Variants in DYSF observed in about 807,000 individuals in gnomAD.
DYSF encodes the protein dystrophy-associated fer-1-like 1.
A neutral mutation model predicts 274.9 loss-of-function variants in DYSF; 212 were observed. The ratio of observed to expected loss-of-function variants is 0.77; its 90% CI spans 0.69 to 0.86. DYSF has a LOEUF of 0.86. DYSF is among the 40% of genes least tolerant of loss of function. The pLI is 0.00. For missense variants in DYSF, 2,666 were observed against 2,783.2 expected (o/e 0.96, Z 0.95); for synonymous variants, 1,091 against 1,078.7 (o/e 1.01, Z -0.22).
chr2:71,587,746 C>T (rs944536797), intron 30 of DYSF, among the ~76,000 whole-genome samples: 14 of 152,126 alleles, frequency 9.2e-5, no homozygotes, highest in African/African-American at 3.1e-4. Flanking sequence ...AACTGGAGCC[C>T]GAGGAATCTG....
chr2:71,618,254 GTGTGTGGTAGAGGTGT>G (rs2093966459), intron 40 of DYSF, among the ~76,000 whole-genome samples: 16 of 74,964 alleles, frequency 2.1e-4, no homozygotes, highest in Middle Eastern at 0.011. Context: ...TAGAGGTGGC[GTGTGTGGTAGAGGTGT>G]GTGTGTGTGG....
At chr2:71,458,929 C>G (rs1032202966) in intron 1 of DYSF, among the ~76,000 whole-genome samples, 2 of 152,200 alleles carry the variant, frequency 1.3e-5, no homozygotes, top group African/African-American at 4.8e-5. Context: ...CCAGGACTGT[C>G]TGATTGTTTC....
intron 7 of DYSF, among the ~76,000 whole-genome samples, chr2:71,514,558 T>C (rs1267665002): frequency 6.6e-6 from 1 of 152,226 alleles, no homozygotes; most frequent in Non-Finnish European, 1.5e-5. Flanking sequence ...TTATTTGCTT[T>C]TAACTTTGGT....
intron 22 of DYSF, 75 bp from the exon 23 acceptor site, chr2:71,561,677 C>T: frequency 6.3e-7 from 1 of 1,584,616 alleles, no homozygotes; most frequent in Non-Finnish European, 8.7e-7. Flanking sequence ...CTGTGAGAAC[C>T]TGGCACATGT....
intron 3 of DYSF, among the ~76,000 whole-genome samples, chr2:71,496,863 C>G (rs190381554): frequency 1.1e-4 from 17 of 152,324 alleles, no homozygotes. Flanking sequence ...GGCTCCCCTT[C>G]CCACGGATTA....
At chr2:71,605,955 C>T (rs560601024) in intron 36 of DYSF, among the ~76,000 whole-genome samples, 1 of 152,300 alleles carries the variant, frequency 6.6e-6, no homozygotes, top group South Asian at 2.1e-4. Flanking sequence ...TGCCCCCTGC[C>T]TGGAGCTCCC....
chr2:71,627,970 T>G (rs535658884), intron 41 of DYSF, among the ~76,000 whole-genome samples: 2 of 152,284 alleles, frequency 1.3e-5, no homozygotes, highest in South Asian at 4.1e-4. Flanking sequence ...TTTTCTGTCT[T>G]TAAGTTTTAG....
At chr2:71,624,473 GTACTTC>G (rs2094169616) in intron 41 of DYSF, among the ~76,000 whole-genome samples, 1 of 152,164 alleles carries the variant, frequency 6.6e-6, no homozygotes, top group Non-Finnish European at 1.5e-5. Flanking sequence ...CTTTTCAGGT[GTACTTC>G]TACTTTCTGT....
chr2:71,545,320 C>T (rs1296048966), intron 17 of DYSF, among the ~76,000 whole-genome samples: 4 of 152,066 alleles, frequency 2.6e-5, no homozygotes, highest in Admixed American at 2.6e-4. Flanking sequence ...TCCCAGATAC[C>T]CTCCCTGAGC....
chr2:71,591,245 G>T (rs1050857709), intron 32 of DYSF, among the ~76,000 whole-genome samples: 1 of 152,182 alleles, frequency 6.6e-6, no homozygotes, highest in African/African-American at 2.4e-5. Flanking sequence ...TCAAGACCCA[G>T]CCCAGATGCC....
At chr2:71,555,910 C>A in intron 21 of DYSF, 55 bp from the exon 22 acceptor site, 6 of 1,398,348 alleles carry the variant, frequency 4.3e-6, no homozygotes, top group Non-Finnish European at 6.0e-6. Flanking sequence ...TTGGGTCCAG[C>A]ATGCACCCTC....
At chr2:71,529,561 T>A (rs1247339547) in intron 14 of DYSF, among the ~76,000 whole-genome samples, 2 of 152,222 alleles carry the variant, frequency 1.3e-5, no homozygotes, top group Non-Finnish European at 2.9e-5. Flanking sequence ...CAGAGAGCCA[T>A]AATGTCAGGT....
chr2:71,569,814 C>T lies in DYSF; in HGVS notation c.2865-6C>T, dbSNP rs771833658. On this transcript the variant is annotated splice_region_variant and splice_polypyrimidine_tract_variant and intron_variant, in intron 26 of 55. Coordinates refer to ENST00000410020, the MANE Select transcript of DYSF (RefSeq NM_001130987.2). ...AGCAGAGACTCTGACCAGCCCTCCT[C>T]CACAGTCTGCTCCATGACATGGACG... 6.2e-7 allele frequency: 1 copy of T among 1,612,834 alleles called. No homozygotes were observed. Among genetic ancestry groups the T allele is most frequent in the South Asian group, 1.1e-5 (1 of 90,786 alleles).
intron 41 of DYSF, among the ~76,000 whole-genome samples, chr2:71,630,823 G>T (rs1054741706): frequency 6.6e-6 from 1 of 152,248 alleles, no homozygotes; most frequent in African/African-American, 2.4e-5. Context: ...ACACCTGTCA[G>T]TGTTTACTCC....
chr2:71,669,500 A>G (rs1573098437), intron 50 of DYSF, 105 bp from the exon 51 acceptor site: 1 of 1,417,930 alleles, frequency 7.1e-7, no homozygotes, highest in Non-Finnish European at 9.9e-7. Flanking sequence ...TCTTTTTGCG[A>G]TAAGCTCATT....
chr2:71,496,381 C>T (rs1353156854), intron 3 of DYSF, among the ~76,000 whole-genome samples: 5 of 151,886 alleles, frequency 3.3e-5, no homozygotes, highest in African/African-American at 1.2e-4. Context: ...GTGCAGGGGT[C>T]AATCAGGAGG....
chr2:71,686,313 A>T, intron 55 of DYSF, 141 bp from the exon 56 acceptor site: 1 of 1,031,408 alleles, frequency 9.7e-7, no homozygotes, highest in Non-Finnish European at 1.5e-6. Context: ...AGGTGGTTGA[A>T]GAGCCACGAG....
chr2:71,657,582 A>G (rs1030600218), intron 43 of DYSF, among the ~76,000 whole-genome samples: 1 of 152,188 alleles, frequency 6.6e-6, no homozygotes, highest in Non-Finnish European at 1.5e-5. Flanking sequence ...CTGGGCATCC[A>G]GGTGTTTCCA....
intron 54 of DYSF, 134 bp downstream of exon 54, chr2:71,681,244 A>G: frequency 1.3e-6 from 1 of 777,254 alleles, no homozygotes; most frequent in South Asian, 1.5e-5. Context: ...GACTCATCCA[A>G]GGCCACACAG....
Sources: gnomAD v4.1 joint callset for allele counts (sites outside exome capture counted in the v4.1 genomes callset) on GRCh38, gnomAD v4.1.1 for gene constraint, MANE v1.5 for transcripts, NCBI Gene and HGNC (gene_info 2026-07-23, HGNC 2026-07-21) for gene names.